Variants in EPN2 observed in about 807,000 individuals in gnomAD.
EPN2 encodes epsin 2, also known as epsin-2.
A neutral mutation model predicts 61.7 loss-of-function variants in EPN2; 34 were observed. The observed-to-expected ratio is 0.55, with a 90% CI of 0.42 to 0.73. The LOEUF is 0.73. Among genes scored for constraint, EPN2 ranks in the 30% least tolerant of loss-of-function variants. The probability of loss-of-function intolerance (pLI) is 0.00; values close to 1 mark genes in which losing one functional copy is unlikely to be tolerated. For missense variants in EPN2, 714 were observed against 839.2 expected (o/e 0.85, Z 1.84); for synonymous variants, 349 against 353.6 (o/e 0.99, Z 0.15).
chr17:19,314,594 A>G (rs1567865520), intron 7 of EPN2, among the ~76,000 whole-genome samples: 1 of 152,206 alleles, frequency 6.6e-6, no homozygotes, highest in Non-Finnish European at 1.5e-5. Flanking sequence ...GCCCTTTAGC[A>G]TCTGGTGAGT....
At chr17:19,271,277 T>C (rs1370479935) in intron 1 of EPN2, among the ~76,000 whole-genome samples, 2 of 152,094 alleles carry the variant, frequency 1.3e-5, no homozygotes, top group Non-Finnish European at 2.9e-5. Context: ...CCTGATGGGT[T>C]CTGAGGAGGC....
Position 19,289,724 on chromosome 17 carries a change from GTTTT to G in EPN2, c.766+3951_766+3954del, listed in dbSNP as rs58087532. On this transcript the variant is annotated intron_variant, in intron 4 of 10. Transcript: ENST00000314728. ...TGTTCGGCCTCACCTGGCGCTCATG[GTTTT>G]TTTTTTTTTTTTTTTTGAGATGGAG... 2.1e-3 allele frequency among the ~76,000 whole-genome samples: 160 copies of G among 78,044 alleles called. 8 individuals carry two copies. The highest frequency in any genetic ancestry group is 8.7e-3 in the East Asian group (15 of 1,734). The allele number at this position is 78,044 out of a possible 152,430, so 51.2% of individuals were successfully genotyped here. A position where few individuals can be genotyped will look rare whatever the true frequency, so the allele number is the denominator to read the frequency against.
intron 1 of EPN2, among the ~76,000 whole-genome samples, chr17:19,277,770 G>T (rs1240620112): frequency 1.3e-5 from 2 of 152,074 alleles, no homozygotes; most frequent in African/African-American, 4.8e-5. Flanking sequence ...AGTCCAGTTG[G>T]CCTGGAAAAT....
At chr17:19,255,394 C>G (rs2045063257) in intron 1 of EPN2, among the ~76,000 whole-genome samples, 1 of 151,766 alleles carries the variant, frequency 6.6e-6, no homozygotes, top group Admixed American at 6.6e-5. Flanking sequence ...TGGCTCAACT[C>G]CTCCACCCCC....
chr17:19,309,946 G>A lies in EPN2; in HGVS notation c.828G>A (p.Glu276=). 6.2e-7 allele frequency: 1 copy of A among 1,609,342 alleles called. No homozygotes were observed. Among genetic ancestry groups the A allele is most frequent in the Non-Finnish European group, 8.5e-7 (1 of 1,180,008 alleles). Residue 276 remains glutamate (E), a synonymous_variant, in exon 5 of 11, where the codon GAG becomes GAA. Transcript: ENST00000314728. The part of the protein sequence containing the change: ...EQARPQTSGE[E]ELQLQLALAM... ...CCCGGCCCCAGACTAGTGGAGAAGA[G>A]GAGCTTCAGCTGCAGCTGGCACTTG...
At chr17:19,303,027 C>T (rs1157143285) in intron 4 of EPN2, among the ~76,000 whole-genome samples, 1 of 152,252 alleles carries the variant, frequency 6.6e-6, no homozygotes, top group East Asian at 1.9e-4. Context: ...CATCCACACA[C>T]AGAGTGTGCG....
At chr17:19,254,977 T>C (rs1011653966) in intron 1 of EPN2, among the ~76,000 whole-genome samples, 21 of 152,210 alleles carry the variant, frequency 1.4e-4, no homozygotes, top group Non-Finnish European at 1.3e-4. Flanking sequence ...GTGTGTTTCA[T>C]GTGCAGGGCA....
At chr17:19,261,663 A>G (rs997508440) in intron 1 of EPN2, among the ~76,000 whole-genome samples, 8 of 152,204 alleles carry the variant, frequency 5.3e-5, no homozygotes, top group Non-Finnish European at 1.2e-4. Context: ...GGCCTTAGAC[A>G]CATTTTCGGT....
chr17:19,296,491 T>C (rs2045521608), intron 4 of EPN2: 1 of 152,084 alleles, frequency 6.6e-6, no homozygotes, highest in Admixed American at 6.5e-5. Context: ...TGTATGTCCA[T>C]TCATGATAAT....
At chr17:19,269,471 G>A (rs879432251) in intron 1 of EPN2, among the ~76,000 whole-genome samples, 1 of 152,206 alleles carries the variant, frequency 6.6e-6, no homozygotes, top group Admixed American at 6.5e-5. Flanking sequence ...TTTAGTAGAA[G>A]ACACTGTTAA....
intron 4 of EPN2, among the ~76,000 whole-genome samples, chr17:19,305,783 C>G (rs1313530846): frequency 6.6e-6 from 1 of 152,104 alleles, no homozygotes; most frequent in East Asian, 1.9e-4. Context: ...GGGAGAGACC[C>G]TTGTCTGCCT....
rs80078595 is a variant in EPN2 at position 19,276,773 on chromosome 17, G to GTTTTTTTTTTTTTTTTTTTTTTTTTTTTT, written c.-293-5164_-293-5163insTTTTTTTTTTTTTTTTTTTTTTTTTTTTT. Among the ~76,000 whole-genome samples the GTTTTTTTTTTTTTTTTTTTTTTTTTTTTT allele has an allele frequency of 2.8e-4, 33 of 119,316 alleles. 3 individuals carry two copies. Among genetic ancestry groups the GTTTTTTTTTTTTTTTTTTTTTTTTTTTTT allele is most frequent in the African/African-American group, 1.2e-3 (30 of 24,098 alleles). 78.3% of individuals were successfully genotyped at this position (119,316 alleles called of 152,430 possible). A position where few individuals can be genotyped will look rare whatever the true frequency, so the allele number is the denominator to read the frequency against. On this transcript the variant is annotated intron_variant, in intron 1 of 10. Coordinates refer to ENST00000314728, the MANE Select transcript of EPN2 (RefSeq NM_014964.5). ...GTCAGTATGTAATTTATGAGAATAA[G>GTTTTTTTTTTTTTTTTTTTTTTTTTTTTT]TTTTTTTTTTTTTTTTTTGCTGTAT...
chr17:19,320,462 G>T (rs1379643927), intron 7 of EPN2, among the ~76,000 whole-genome samples: 1 of 152,172 alleles, frequency 6.6e-6, no homozygotes, highest in Non-Finnish European at 1.5e-5. Flanking sequence ...TTTGAGGAGG[G>T]CTTGGTGAGA....
intron 1 of EPN2, among the ~76,000 whole-genome samples, chr17:19,254,402 G>A (rs1460244511): frequency 2.0e-5 from 3 of 151,690 alleles, no homozygotes; most frequent in Non-Finnish European, 2.9e-5. Flanking sequence ...TTAGCCAGGC[G>A]TGGTGATGCA....
rs772394114 is a variant in EPN2 at position 19,328,768 on chromosome 17, A to C, written c.1205A>C (p.Gln402Pro). 10 of 1,613,258 alleles carry C rather than the reference A, an allele frequency of 6.2e-6. No homozygotes were observed. The African/African-American group carries it at 1.2e-4, about 19-fold the overall frequency. ...GGGGTGCCCACTGGAGCCACCGTAC[A>C]ATCTGTCCCCAAGAACTCGGACCCC... is the stretch of plus-strand genomic sequence containing the variant. ...PWGVPTGATV[Q>P]SVPKNSDPWA... The change falls in exon 8 of 11, where the codon CAA becomes CCA. Residue 402 changes from glutamine to proline, a missense_variant. Physicochemically the swap from Gln to Pro is moderately conservative, Grantham distance 76. This residue lies in a region of EPN2 where 410 missense variants were observed against 421.8 expected (regional missense o/e 0.97). Transcript: ENST00000314728.
intron 7 of EPN2, among the ~76,000 whole-genome samples, chr17:19,319,700 T>A (rs760101260): frequency 6.6e-6 from 1 of 151,802 alleles, no homozygotes. Flanking sequence ...CAGGCTGGAA[T>A]GCAGTGGTAT....
At chr17:19,268,276 C>T (rs1037223093) in intron 1 of EPN2, among the ~76,000 whole-genome samples, 1 of 152,204 alleles carries the variant, frequency 6.6e-6, no homozygotes, top group Non-Finnish European at 1.5e-5. Context: ...TTGTTCAGAT[C>T]CCCTGTAGCT....
At chr17:19,271,328 A>G (rs2045251027) in intron 1 of EPN2, among the ~76,000 whole-genome samples, 1 of 152,200 alleles carries the variant, frequency 6.6e-6, no homozygotes, top group South Asian at 2.1e-4. Flanking sequence ...AGTGACAGAT[A>G]GAGGAAGGAC....
Position 19,328,632 on chromosome 17 carries a change from C to T in EPN2, c.1148-79C>T, listed in dbSNP as rs1206158617. 12 of 1,331,588 alleles carry T rather than the reference C, an allele frequency of 9.0e-6. No individual in the cohort carries two copies. In the Admixed American group the frequency reaches 2.7e-4, roughly 30 times the overall value. The allele number at this position is 1,331,588 out of a possible 1,614,324, so 82.5% of individuals were successfully genotyped here. ...AGGGCATAGACCCTGGTGTGGCTGG[C>T]AGTATCCTTTTCCCTTCTCACCCCA... On this transcript the variant is annotated intron_variant, in intron 7 of 10. Coordinates refer to ENST00000314728, the MANE Select transcript of EPN2 (RefSeq NM_014964.5).
Sources: allele counts gnomAD v4.1 joint callset (sites outside exome capture counted in the v4.1 genomes callset), GRCh38; gene constraint gnomAD v4.1.1; regional missense constraint gnomAD v4.1.1; transcripts MANE v1.5; gene names NCBI Gene and HGNC (gene_info 2026-07-23, HGNC 2026-07-21).